TMEM178B: variants seen among roughly 807,000 people sequenced by gnomAD.
The protein encoded by TMEM178B is transmembrane protein 178B.
In TMEM178B, 5 loss-of-function variants were observed where a neutral mutation model predicts 31.0. The ratio of observed to expected loss-of-function variants is 0.16; its 90% CI spans 0.08 to 0.34. The LOEUF (loss-of-function observed/expected upper bound fraction) is 0.34, where lower values mean the gene tolerates loss of function less well. Ranked by LOEUF, TMEM178B falls within the 10% of genes least tolerant of loss-of-function variation. The pLI is 1.00. For missense variants in TMEM178B, 275 were observed against 400.3 expected (o/e 0.69, Z 2.67); for synonymous variants, 164 against 164.0 (o/e 1.00, Z 0.00).
intron 2 of TMEM178B, among the ~76,000 whole-genome samples, chr7:141,374,421 C>T (rs1800175116): frequency 6.6e-6 from 1 of 152,174 alleles, no homozygotes; most frequent in Admixed American, 6.5e-5. Flanking sequence ...AACACTCACA[C>T]TCTTGTGCAT....
rs544398850 is a variant in TMEM178B at position 141,340,677 on chromosome 7, C to A, written c.497-96931C>A. ...AGCACAAAGCACATCAGGAGCAGTG[C>A]AACAGAAAAACACTAAAGTAAAAAG... On this transcript the variant is annotated intron_variant, in intron 2 of 3. Transcript: ENST00000565468. Among the ~76,000 whole-genome samples, 325 of 152,114 alleles carry A rather than the reference C, an allele frequency of 2.1e-3. 4 individuals are homozygous for A. Among genetic ancestry groups the A allele is most frequent in the Non-Finnish European group, 8.5e-4 (58 of 68,000 alleles).
chr7:141,183,410 C>T (rs1796561258), intron 1 of TMEM178B, among the ~76,000 whole-genome samples: 1 of 152,232 alleles, frequency 6.6e-6, no homozygotes, highest in Admixed American at 6.5e-5. Context: ...CAGACCTTTT[C>T]ATTCTGCAAA....
At chr7:141,215,843 CTT>C (rs1363933803) in intron 2 of TMEM178B, among the ~76,000 whole-genome samples, 1 of 94,168 alleles carries the variant, frequency 1.1e-5, no homozygotes, top group African/African-American at 3.5e-5. Context: ...TCTTTCTTTT[CTT>C]TTCTTTTCTT....
chr7:141,267,224 G>A (rs550423572), intron 2 of TMEM178B, among the ~76,000 whole-genome samples: 15 of 152,164 alleles, frequency 9.9e-5, no homozygotes, highest in Admixed American at 4.6e-4. Flanking sequence ...GGTCCTCTAC[G>A]TACCTCAAAT....
At chr7:141,462,568 C>T (rs57498827) in intron 3 of TMEM178B, among the ~76,000 whole-genome samples, 22 of 151,828 alleles carry the variant, frequency 1.4e-4, no homozygotes, top group African/African-American at 4.6e-4. Context: ...AGCTTGGAAA[C>T]CGAGGAAAGA....
At chr7:141,239,558 C>T (rs770615967) in intron 2 of TMEM178B, among the ~76,000 whole-genome samples, 2 of 152,222 alleles carry the variant, frequency 1.3e-5, no homozygotes, top group Non-Finnish European at 2.9e-5. Context: ...CCGGGTGGAA[C>T]TCAGCCTCGA....
intron 2 of TMEM178B, among the ~76,000 whole-genome samples, chr7:141,294,537 T>C (rs1464194496): frequency 6.6e-6 from 1 of 152,174 alleles, no homozygotes; most frequent in Non-Finnish European, 1.5e-5. Flanking sequence ...TTCTCAGCCG[T>C]TACAGCTTTC....
At chr7:141,183,270 C>T (rs533361799) in intron 1 of TMEM178B, among the ~76,000 whole-genome samples, 8 of 152,268 alleles carry the variant, frequency 5.3e-5, no homozygotes, top group African/African-American at 9.6e-5. Context: ...TGATCTCTGG[C>T]GGCCTTCACA....
chr7:141,473,019 T>C lies in TMEM178B; in HGVS notation c.*2233T>C, dbSNP rs1308763840. 6.6e-6 allele frequency: 1 copy of C among 152,192 alleles called. No homozygotes were observed. The highest frequency in any genetic ancestry group is 1.5e-5 in the Non-Finnish European group (1 of 68,040). 9.4% of individuals were successfully genotyped at this position (152,192 alleles called of 1,614,324 possible). ...GTGAGTTCCCTGTGTGTGGGTGTGC[T>C]GGGCGATAGGGTAAGGTGTGCAACG... On this transcript the variant is annotated 3_prime_UTR_variant, in exon 4 of 4. Transcript: ENST00000565468.
intron 2 of TMEM178B, among the ~76,000 whole-genome samples, chr7:141,259,595 C>T (rs1390442159): frequency 6.6e-6 from 1 of 152,118 alleles, no homozygotes; most frequent in Non-Finnish European, 1.5e-5. Flanking sequence ...GTCACTGTTG[C>T]TTGTTGTTAG....
At chr7:141,164,106 G>T (rs928429936) in intron 1 of TMEM178B, among the ~76,000 whole-genome samples, 2 of 152,084 alleles carry the variant, frequency 1.3e-5, no homozygotes, top group African/African-American at 4.8e-5. Context: ...CTCTTTGATA[G>T]ATACAATAGT....
chr7:141,311,547 T>A (rs987704432), intron 2 of TMEM178B, among the ~76,000 whole-genome samples: 1 of 152,250 alleles, frequency 6.6e-6, no homozygotes, highest in Non-Finnish European at 1.5e-5. Context: ...TTTCTCATCT[T>A]GTACTATGAA....
chr7:141,324,123 A>G (rs912938405), intron 2 of TMEM178B, among the ~76,000 whole-genome samples: 4 of 152,158 alleles, frequency 2.6e-5, no homozygotes, highest in Admixed American at 1.3e-4. Context: ...GTAGGGGGGA[A>G]GCAGATCATT....
chr7:141,295,042 A>T (rs1324041539), intron 2 of TMEM178B, among the ~76,000 whole-genome samples: 1 of 151,990 alleles, frequency 6.6e-6, no homozygotes, highest in Non-Finnish European at 1.5e-5. Context: ...TGCCCTCAAT[A>T]TGGGTTTGGG....
intron 2 of TMEM178B, among the ~76,000 whole-genome samples, chr7:141,288,102 G>C (rs1167138330): frequency 1.3e-5 from 2 of 152,038 alleles, no homozygotes; most frequent in East Asian, 3.9e-4. Flanking sequence ...TGCGGTTGGG[G>C]ACCCCTCCTC....
chr7:141,403,255 G>A (rs540855190), intron 2 of TMEM178B, among the ~76,000 whole-genome samples: 18 of 152,266 alleles, frequency 1.2e-4, no homozygotes, highest in South Asian at 2.1e-4. Flanking sequence ...TTGGTATCAC[G>A]GGGGCCTCAT....
intron 1 of TMEM178B, among the ~76,000 whole-genome samples, chr7:141,145,248 T>A (rs1795833122): frequency 6.6e-6 from 1 of 152,124 alleles, no homozygotes; most frequent in African/African-American, 2.4e-5. Flanking sequence ...TGAGGAGGGC[T>A]TGAAGAGGAC....
At chr7:141,442,923 A>G (rs992092439) in intron 3 of TMEM178B, among the ~76,000 whole-genome samples, 12 of 152,222 alleles carry the variant, frequency 7.9e-5, no homozygotes, top group African/African-American at 2.2e-4. Flanking sequence ...AAAGTCCCAC[A>G]AAACTGTGAT....
In TMEM178B at chr7:141,470,570, G is replaced by A; in HGVS notation, c.669G>A (p.Val223=). 2 of 1,533,108 alleles carry A rather than the reference G, an allele frequency of 1.3e-6. No homozygotes were observed. The highest frequency in any genetic ancestry group is 1.7e-6 in the Non-Finnish European group (2 of 1,145,670). 95.0% of individuals were successfully genotyped at this position (1,533,108 alleles called of 1,614,324 possible). A position where few individuals can be genotyped will look rare whatever the true frequency, so the allele number is the denominator to read the frequency against. The stretch of plus-strand genomic sequence containing the variant: ...GCATCATTTCACTGTGCACCTGTGT[G>A]GCCGGGATCAACTTTGAGCTGTCAC... The part of the protein sequence containing the change: ...TFCIISLCTC[V]AGINFELSRY... The change falls in exon 4 of 4, where the codon GTG becomes GTA. Residue 223 remains valine, a synonymous_variant. Transcript: ENST00000565468.
Sources: allele counts gnomAD v4.1 joint callset (sites outside exome capture counted in the v4.1 genomes callset), GRCh38; gene constraint gnomAD v4.1.1; transcripts MANE v1.5; gene names NCBI Gene and HGNC (gene_info 2026-07-23, HGNC 2026-07-21).